The following NID2 variants were observed in gnomAD, a reference collection of about 807,000 sequenced individuals.
NID2 encodes nidogen-2.
In NID2, 83 loss-of-function variants were observed where a neutral mutation model predicts 145.4. The observed-to-expected ratio is 0.57, with a 90% CI of 0.48 to 0.69. The LOEUF is 0.69. NID2 is among the 30% of genes least tolerant of loss of function. The pLI, the probability that NID2 is intolerant of heterozygous loss-of-function variation, is 0.00. For synonymous variants in NID2, 739 were observed against 701.3 expected, an observed-to-expected ratio of 1.05 and a Z score of -0.85; for missense variants, 1,807 against 1,765.7, an observed-to-expected ratio of 1.02 and a Z score of -0.42.
chr14:52,026,311 C>T (rs2645729), intron 12 of NID2, among the ~76,000 whole-genome samples: 2,945 of 152,190 alleles, frequency 0.019, 33 homozygotes, highest in Middle Eastern at 0.051. Context: ...TGGGCCTGGG[C>T]GGATGGAGGC....
intron 2 of NID2, among the ~76,000 whole-genome samples, chr14:52,066,288 G>T (rs1893211251): frequency 6.6e-6 from 1 of 151,500 alleles, no homozygotes; most frequent in African/African-American, 2.4e-5. Flanking sequence ...GGGTAGTAGG[G>T]GTCAGGGGAA....
chr14:52,032,431 G>A (rs78496065), intron 9 of NID2, among the ~76,000 whole-genome samples: 12,863 of 152,170 alleles, frequency 0.085, 594 homozygotes, highest in Middle Eastern at 0.13. Flanking sequence ...GGATCTCTTG[G>A]CTGACAGGAA....
At position 52,053,658 on chromosome 14, in the gene NID2, AG is replaced by A; in HGVS notation, c.1349del (p.Pro450LeufsTer9). On this transcript the variant is annotated frameshift_variant, in exon 5 of 22. Coordinates refer to ENST00000216286, the MANE Select transcript of NID2 (RefSeq NM_007361.4). LOFTEE classifies it high-confidence loss of function. ...PEEEIVLRSY[P>X]ASGHTTPLSR... ...TTAAGGGTGTAGTGTGACCTGAAGC[AG>A]GGTAACTTCGAAGAACAATTTCTTC... 6.2e-7 allele frequency: 1 copy of A among 1,614,244 alleles called. No homozygotes were observed. The highest frequency in any genetic ancestry group is 8.5e-7 in the Non-Finnish European group (1 of 1,180,050).
intron 8 of NID2, among the ~76,000 whole-genome samples, chr14:52,040,010 G>T (rs1006435985): frequency 6.6e-6 from 1 of 152,044 alleles, no homozygotes; most frequent in Non-Finnish European, 1.5e-5. Context: ...GCACAATCTC[G>T]GCTCACTGCA....
chr14:52,015,315 T>G, intron 14 of NID2, 40 bp from the exon 15 acceptor site: 1 of 1,565,236 alleles, frequency 6.4e-7, no homozygotes. Context: ...AAACCTTTGA[T>G]TGTGAGTCAA....
At chr14:52,040,325 A>G (rs765681884) in intron 8 of NID2, among the ~76,000 whole-genome samples, 1 of 151,788 alleles carries the variant, frequency 6.6e-6, no homozygotes, top group Non-Finnish European at 1.5e-5. Flanking sequence ...TCCAATAATC[A>G]CTATTTTTCC....
chr14:52,067,380 G>A (rs1327695250), intron 2 of NID2, among the ~76,000 whole-genome samples: 1 of 152,184 alleles, frequency 6.6e-6, no homozygotes, highest in East Asian at 1.9e-4. Flanking sequence ...ATTGTTAATA[G>A]ACAGCAATAA....
chr14:52,043,107 CAAG>C (rs1248978542), intron 5 of NID2, among the ~76,000 whole-genome samples, 176 bp from the exon 6 acceptor site: 7 of 152,146 alleles, frequency 4.6e-5, no homozygotes, highest in African/African-American at 4.8e-5. Flanking sequence ...TGTCTGCTGG[CAAG>C]AAGAATTGCT....
intron 16 of NID2, among the ~76,000 whole-genome samples, chr14:52,013,967 C>T (rs1891120905): frequency 1.3e-5 from 2 of 152,222 alleles, no homozygotes; most frequent in Admixed American, 1.3e-4. Flanking sequence ...ACCCTGGGGA[C>T]TTAGGGTAAG....
chr14:52,029,951 G>A (rs757867478), intron 9 of NID2, among the ~76,000 whole-genome samples: 5 of 152,116 alleles, frequency 3.3e-5, no homozygotes, highest in African/African-American at 4.8e-5. Flanking sequence ...GAATAAAAAC[G>A]CCCAAAACAT....
At chr14:52,051,651 C>T (rs1487716317) in intron 5 of NID2, among the ~76,000 whole-genome samples, 1 of 152,184 alleles carries the variant, frequency 6.6e-6, no homozygotes, top group Non-Finnish European at 1.5e-5. Flanking sequence ...TCACTGCATC[C>T]CCTCAAAAGT....
intron 5 of NID2, among the ~76,000 whole-genome samples, chr14:52,052,904 T>C (rs1480085185): frequency 1.3e-5 from 2 of 152,146 alleles, no homozygotes; most frequent in Non-Finnish European, 2.9e-5. Flanking sequence ...ATAGACCCCA[T>C]GTCCATGATA....
intron 14 of NID2, among the ~76,000 whole-genome samples, chr14:52,018,850 T>TCCA (rs1891304271): frequency 6.6e-6 from 1 of 152,268 alleles, no homozygotes; most frequent in South Asian, 2.1e-4. Flanking sequence ...GAGGCAAATG[T>TCCA]GTAACAGATC....
At position 52,019,155 on chromosome 14, in the gene NID2, A is replaced by C. The variant is rs764216800; in HGVS notation, c.2934T>G (p.Thr978=). 1.9e-6 allele frequency: 3 copies of C among 1,614,114 alleles called. No individual in the cohort carries two copies. Among genetic ancestry groups the C allele is most frequent in the East Asian group, 4.5e-5 (2 of 44,876 alleles). ...CAGGGTCCACGCACCAGCAGAAACC[A>C]GTGCTGCCATGACACTGTAGGGGCA... The part of the protein sequence containing the change: ...NFLPLQCHGS[T]GFCWCVDPDG... The change falls in exon 14 of 22, where the codon ACT becomes ACG. Residue 978 remains threonine (T), a synonymous_variant. Transcript: ENST00000216286.
Position 52,040,754 on chromosome 14 carries a change from G to C in NID2, c.1923C>G (p.Tyr641Ter). The change falls in exon 8 of 22, where the codon TAC becomes TAG. Residue 641 changes from tyrosine to a stop codon, truncating the protein, a stop_gained. Transcript: ENST00000216286. LOFTEE classifies it high-confidence loss of function. The stretch of plus-strand genomic sequence containing the variant: ...CTTGAATGTTGGTCTTAATGCTCAG[G>C]TAGTTCTCTGGGTCAAGTCCCTCAG... ...QTAEGLDPEN[Y>*]LSIKTNIQGQ... 6.2e-7 allele frequency: 1 copy of C among 1,614,154 alleles called. No homozygotes were observed. The highest frequency in any genetic ancestry group is 1.1e-5 in the South Asian group (1 of 91,082).
Position 52,005,719 on chromosome 14 carries a change from C to CTAAA in NID2, c.4117+14_4117+17dup, listed in dbSNP as rs751386893. 6.3e-7 allele frequency: 1 copy of CTAAA among 1,588,288 alleles called. No homozygotes were observed. Among genetic ancestry groups the CTAAA allele is most frequent in the Non-Finnish European group, 8.6e-7 (1 of 1,156,654 alleles). The stretch of plus-strand genomic sequence containing the variant: ...TACCCTGCTAATTTAAAGGAGCATC[C>CTAAA]TAAAGCATACTTTTTACCTGTTGGG... On this transcript the variant is annotated intron_variant, in intron 21 of 21. Transcript: ENST00000216286.
intron 9 of NID2, among the ~76,000 whole-genome samples, chr14:52,030,556 GAA>G (rs1173812613): frequency 1.8e-5 from 1 of 55,752 alleles, no homozygotes; most frequent in Non-Finnish European, 3.8e-5. Context: ...AAGAAAGAAA[GAA>G]AGAAAGAAAG....
In NID2 at chr14:52,005,434, T is replaced by G; in HGVS notation, c.*52A>C. 1 of 1,517,084 alleles carries G rather than the reference T, an allele frequency of 6.6e-7. No homozygotes were observed. The highest frequency in any genetic ancestry group is 1.4e-5 in the South Asian group (1 of 72,378). The allele number at this position is 1,517,084 out of a possible 1,614,324, so 94.0% of individuals were successfully genotyped here. ...CTTTGCCTTTGCAGTCACTGTTCTT[T>G]AGGGTCCAGGTTCTGATTGTAAACT... On this transcript the variant is annotated 3_prime_UTR_variant, in exon 22 of 22. Transcript: ENST00000216286.
intron 9 of NID2, among the ~76,000 whole-genome samples, chr14:52,037,872 A>G (rs1804808785): frequency 6.6e-6 from 1 of 152,194 alleles, no homozygotes; most frequent in Non-Finnish European, 1.5e-5. Context: ...TCTTTTTAAA[A>G]ATTTATCTCT....
Sources: allele counts gnomAD v4.1 joint callset (sites outside exome capture counted in the v4.1 genomes callset), GRCh38; gene constraint gnomAD v4.1.1; transcripts MANE v1.5; gene names NCBI Gene and HGNC (gene_info 2026-07-23, HGNC 2026-07-21).